CHUK: variants seen among roughly 807,000 people sequenced by gnomAD.
The protein encoded by CHUK is inhibitor of nuclear factor kappa-B kinase subunit alpha.
In CHUK, 35 loss-of-function variants were observed where a neutral mutation model predicts 104.8. The observed-to-expected ratio is 0.33, with a 90% CI of 0.26 to 0.44. CHUK has a LOEUF of 0.44. Ranked by LOEUF, CHUK falls within the 20% of genes least tolerant of loss-of-function variation. The pLI, the probability that CHUK is intolerant of heterozygous loss-of-function variation, is 1.00. For synonymous variants in CHUK, 276 were observed against 291.9 expected (o/e 0.95, Z 0.56); for missense variants, 663 against 902.7 (o/e 0.73, Z 3.40).
intron 9 of CHUK, among the ~76,000 whole-genome samples, chr10:100,217,304 A>C (rs1390984270): frequency 6.6e-6 from 1 of 152,154 alleles, no homozygotes; most frequent in Non-Finnish European, 1.5e-5. Flanking sequence ...AAGAATAAAA[A>C]AGCATTTTCA....
intron 16 of CHUK, among the ~76,000 whole-genome samples, chr10:100,199,080 G>C (rs1026254996): frequency 6.6e-6 from 1 of 152,194 alleles, no homozygotes; most frequent in Non-Finnish European, 1.5e-5. Flanking sequence ...GTAACGGTCA[G>C]TAAATTACTC....
intron 11 of CHUK, among the ~76,000 whole-genome samples, chr10:100,205,745 C>G (rs1361567469): frequency 6.6e-6 from 1 of 152,018 alleles, no homozygotes; most frequent in Non-Finnish European, 1.5e-5. Flanking sequence ...CTGGCCAACA[C>G]GGTGAAACCC....
intron 11 of CHUK, 75 bp from the exon 12 acceptor site, chr10:100,205,274 C>T: frequency 6.8e-7 from 1 of 1,469,046 alleles, no homozygotes; most frequent in East Asian, 2.3e-5. Context: ...ATTTATCATT[C>T]TTTGTGATTT....
Position 100,222,904 on chromosome 10 carries a change from G to C in CHUK, c.277C>G (p.Leu93Val). Reference sequence around the variant, plus strand: ...CCTCCAGAACAGTATTCCATTGCTAGAAGAGGCACATCATGAATCAAAATA... The same window carrying C: ...CCTCCAGAACAGTATTCCATTGCTACAAGAGGCACATCATGAATCAAAATA... ...LNILIHDVPL[L>V]AMEYCSGGDL... is the part of the protein sequence containing the mutation. Residue 93 changes from leucine to valine, a missense_variant, in exon 3 of 21, where the codon CTA (leucine) becomes GTA (valine). Physicochemically the swap from Leu to Val is conservative, Grantham distance 32. Transcript: ENST00000370397. 1 of 1,604,092 alleles carries C rather than the reference G, an allele frequency of 6.2e-7. No homozygotes were observed. Among genetic ancestry groups the C allele is most frequent in the Non-Finnish European group, 8.5e-7 (1 of 1,171,100 alleles).
chr10:100,202,158 A>G lies in CHUK; in HGVS notation c.1508-9T>C, dbSNP rs531416008. The stretch of plus-strand genomic sequence containing the variant: ...TAGCATTTTTTCTGAAGCTAAAAGA[A>G]AAGTCTAAATTGGTTATCTCAGAAA... On this transcript the variant is annotated splice_polypyrimidine_tract_variant and intron_variant, in intron 13 of 20. Transcript: ENST00000370397. The G allele has an allele frequency of 6.2e-7, 1 of 1,600,016 alleles. No homozygotes were observed. The highest frequency in any genetic ancestry group is 1.3e-5 in the African/African-American group (1 of 74,738).
At chr10:100,213,924 T>A (rs1020850198) in intron 9 of CHUK, among the ~76,000 whole-genome samples, 1 of 152,242 alleles carries the variant, frequency 6.6e-6, no homozygotes, top group African/African-American at 2.4e-5. Context: ...AGTATTTCTC[T>A]TATTAAGAGA....
At chr10:100,195,557 C>T (rs182491686) in intron 16 of CHUK, 17 of 152,274 alleles carry the variant, frequency 1.1e-4, no homozygotes, top group African/African-American at 4.1e-4. Context: ...TTCCTAAATA[C>T]CATGGACCAA....
chr10:100,192,649 C>A (rs1003674645), intron 19 of CHUK: 1 of 986,360 alleles, frequency 1.0e-6, no homozygotes, highest in Non-Finnish European at 1.2e-6. Context: ...CGACAATACA[C>A]AAGCTAGCAA....
intron 2 of CHUK, among the ~76,000 whole-genome samples, chr10:100,223,788 T>C (rs3853517): frequency 0.071 from 10,782 of 152,228 alleles, 650 homozygotes; most frequent in African/African-American, 0.16. Context: ...ATCCACACTT[T>C]ACCAACCACC....
At chr10:100,204,697 A>G in intron 12 of CHUK, 40 bp from the exon 13 acceptor site, 1 of 1,497,342 alleles carries the variant, frequency 6.7e-7, no homozygotes. Flanking sequence ...GAAAAAAGAT[A>G]TTATCAGCAT....
intron 1 of CHUK, 34 bp from the exon 2 acceptor site, chr10:100,226,051 T>C: frequency 8.1e-7 from 1 of 1,236,756 alleles, no homozygotes; most frequent in Middle Eastern, 1.9e-4. Context: ...AAAAAAAAAA[T>C]TAGGTTCTTG....
Position 100,209,684 on chromosome 10 carries a change from T to C in CHUK, c.1039A>G (p.Ile347Val), listed in dbSNP as rs1388263796. 4.4e-6 allele frequency: 7 copies of C among 1,600,948 alleles called. No homozygotes were observed. Among genetic ancestry groups the C allele is most frequent in the Non-Finnish European group, 5.1e-6 (6 of 1,168,106 alleles). ...LQSRIERETG[I>V]NTGSQELLSE... ...AGAAGTTCTTGAGAACCAGTATTTATTCCAGTTTCACGCTCAATACGAGAC... is the reference window on the plus strand; with the variant it reads ...AGAAGTTCTTGAGAACCAGTATTTACTCCAGTTTCACGCTCAATACGAGAC... The change falls in exon 10 of 21, where the codon ATA becomes GTA. Residue 347 changes from isoleucine (I) to valine (V), a missense_variant. This residue lies in a region of CHUK where 93 missense variants were observed against 95.9 expected (regional missense o/e 0.97). Coordinates refer to ENST00000370397, the MANE Select transcript of CHUK (RefSeq NM_001278.5).
At position 100,207,678 on chromosome 10, in the gene CHUK, G is replaced by A. The variant is rs545177939; in HGVS notation, c.1129-346C>T. 1.0e-3 allele frequency among the ~76,000 whole-genome samples: 155 copies of A among 152,230 alleles called. 1 individual carries two copies. The highest frequency in any genetic ancestry group is 3.4e-3 in the African/African-American group (141 of 41,552). ...GGCAAGTAAAAAAAGTCAGACACAA[G>A]ACTATATATTACATAATTCCATTTA... On this transcript the variant is annotated intron_variant, in intron 10 of 20. Transcript: ENST00000370397.
chr10:100,188,032 A>G (rs959795266), downstream of CHUK: 1 of 152,240 alleles, frequency 6.6e-6, no homozygotes, highest in African/African-American at 2.4e-5. Context: ...ATTATAATAG[A>G]TGACGAACAG....
chr10:100,217,105 A>G (rs1428069827), intron 9 of CHUK, among the ~76,000 whole-genome samples: 1 of 152,156 alleles, frequency 6.6e-6, no homozygotes, highest in Non-Finnish European at 1.5e-5. Flanking sequence ...GTCAAAGCAC[A>G]AAGGTAGATA....
chr10:100,194,204 T>G lies in CHUK; in HGVS notation c.1827-73A>C, dbSNP rs12571424. On this transcript the variant is annotated intron_variant, in intron 17 of 20. Coordinates refer to ENST00000370397, the MANE Select transcript of CHUK (RefSeq NM_001278.5). ...GTACACCATATTCCCAAAACCCAGC[T>G]GAGGAAATGAACCACAATCAGCATC... 930 of 1,522,862 alleles carry G rather than the reference T, an allele frequency of 6.1e-4. 16 individuals are homozygous for G. In the East Asian group the frequency reaches 0.017, roughly 28 times the overall value. The allele number at this position is 1,522,862 out of a possible 1,614,324, so 94.3% of individuals were successfully genotyped here.
intron 16 of CHUK, among the ~76,000 whole-genome samples, chr10:100,197,987 T>G (rs573944568): frequency 6.6e-6 from 1 of 152,378 alleles, no homozygotes; most frequent in South Asian, 2.1e-4. Flanking sequence ...TTTTAAGTAC[T>G]GAGAAGCTGT....
intron 9 of CHUK, among the ~76,000 whole-genome samples, chr10:100,211,275 TA>T (rs962336183): frequency 1.3e-5 from 2 of 151,938 alleles, no homozygotes; most frequent in Non-Finnish European, 3.0e-5. Context: ...ATCTTTTACA[TA>T]TTTTATTTTG....
chr10:100,212,192 A>G (rs1210793561), intron 9 of CHUK, among the ~76,000 whole-genome samples: 1 of 152,030 alleles, frequency 6.6e-6, no homozygotes, highest in Non-Finnish European at 1.5e-5. Context: ...CAGTAGTTCT[A>G]TTTTTAATTT....
Sources: allele counts gnomAD v4.1 joint callset (sites outside exome capture counted in the v4.1 genomes callset), GRCh38; gene constraint gnomAD v4.1.1; regional missense constraint gnomAD v4.1.1; transcripts MANE v1.5; gene names NCBI Gene and HGNC (gene_info 2026-07-23, HGNC 2026-07-21).